Variants in STAG1 observed in about 807,000 individuals in gnomAD.
STAG1 encodes STAG1 cohesin complex component.
STAG1 carries 26 observed loss-of-function variants against 170.9 expected under a neutral mutation model. The observed-to-expected ratio is 0.15, with a 90% CI of 0.11 to 0.21. STAG1 has a LOEUF of 0.21. STAG1 is among the 10% of genes least tolerant of loss of function. The pLI is 1.00. For missense variants in STAG1, 964 were observed against 1,509.5 expected, an observed-to-expected ratio of 0.64 and a Z score of 5.99; for synonymous variants, 514 against 497.7, an observed-to-expected ratio of 1.03 and a Z score of -0.44.
chr3:136,702,101 G>C (rs1050412676), intron 1 of STAG1, among the ~76,000 whole-genome samples: 2 of 105,050 alleles, frequency 1.9e-5, no homozygotes, highest in Admixed American at 8.6e-5. Flanking sequence ...GAGAGAGAGA[G>C]AGAGAGAGAG....
At chr3:136,742,604 A>G (rs1180648907) in intron 1 of STAG1, among the ~76,000 whole-genome samples, 4 of 151,976 alleles carry the variant, frequency 2.6e-5, no homozygotes, top group Non-Finnish European at 5.9e-5. Context: ...AATCCCAGCT[A>G]CTGTGGAGAC....
At chr3:136,541,538 T>TCACACACACACACACA (rs59155124) in intron 6 of STAG1, among the ~76,000 whole-genome samples, 50 of 123,214 alleles carry the variant, frequency 4.1e-4, no homozygotes, top group East Asian at 9.3e-4. Flanking sequence ...AGCTTAACAT[T>TCACACACACACACACA]CACACACACA....
At chr3:136,373,624 A>G (rs1309207018) in intron 23 of STAG1, among the ~76,000 whole-genome samples, 1 of 152,030 alleles carries the variant, frequency 6.6e-6, no homozygotes, top group African/African-American at 2.4e-5. Context: ...GTCATTCAGG[A>G]GCAGGTTGTT....
chr3:136,747,661 CAG>C (rs927845809), intron 1 of STAG1, among the ~76,000 whole-genome samples: 18 of 152,160 alleles, frequency 1.2e-4, no homozygotes, highest in African/African-American at 4.3e-4. Flanking sequence ...GCCTGAGTGA[CAG>C]AGAGAGACCC....
intron 25 of STAG1, among the ~76,000 whole-genome samples, chr3:136,364,527 G>T (rs998134199): frequency 1.3e-5 from 2 of 152,028 alleles, no homozygotes; most frequent in African/African-American, 4.8e-5. Context: ...TAGGGGGAAG[G>T]GGGGATTAGG....
chr3:136,486,999 C>CAAAAAAAAAA (rs536392595), intron 9 of STAG1, among the ~76,000 whole-genome samples: 2 of 54,662 alleles, frequency 3.7e-5, no homozygotes, highest in African/African-American at 1.8e-4. Context: ...TTTATTTCTT[C>CAAAAAAAAAA]AAAAAAAAAA....
chr3:136,712,767 C>G (rs1943418791), intron 1 of STAG1, among the ~76,000 whole-genome samples: 1 of 152,126 alleles, frequency 6.6e-6, no homozygotes, highest in South Asian at 2.1e-4. Context: ...GATATATATC[C>G]AACAGAAATG....
intron 1 of STAG1, among the ~76,000 whole-genome samples, chr3:136,702,115 G>GAGACAGAGAGAC (rs1553768613): frequency 6.0e-5 from 4 of 66,404 alleles, no homozygotes; most frequent in Non-Finnish European, 3.6e-5. Flanking sequence ...GAGAGAGAGA[G>GAGACAGAGAGAC]AGAGAGACAG....
intron 7 of STAG1, among the ~76,000 whole-genome samples, chr3:136,509,227 C>A (rs561755707): frequency 5.9e-5 from 9 of 152,154 alleles, no homozygotes; most frequent in Admixed American, 6.5e-5. Context: ...GATTCTCTTT[C>A]GACTATCCCG....
At chr3:136,385,836 G>C (rs1442808583) in intron 22 of STAG1, among the ~76,000 whole-genome samples, 1 of 151,972 alleles carries the variant, frequency 6.6e-6, no homozygotes, top group Non-Finnish European at 1.5e-5. Flanking sequence ...CAAGGGGCTG[G>C]GAATATAGAT....
At chr3:136,610,529 T>G (rs1334689043) in intron 3 of STAG1, among the ~76,000 whole-genome samples, 1 of 152,196 alleles carries the variant, frequency 6.6e-6, no homozygotes, top group Non-Finnish European at 1.5e-5. Flanking sequence ...ATTGGAGAAG[T>G]GTATTTAACA....
chr3:136,735,317 G>A (rs114593616), intron 1 of STAG1, among the ~76,000 whole-genome samples: 1 of 151,900 alleles, frequency 6.6e-6, no homozygotes, highest in Non-Finnish European at 1.5e-5. Context: ...GTAGAGACAG[G>A]GTCTTGCTAT....
chr3:136,661,758 A>C lies in STAG1; in HGVS notation c.-83-30777T>G, dbSNP rs149778159. Among the ~76,000 whole-genome samples, 730 of 152,332 alleles carry C rather than the reference A, an allele frequency of 4.8e-3. 10 individuals are homozygous for C. Among genetic ancestry groups the C allele is most frequent in the African/African-American group, 0.017 (699 of 41,572 alleles). Reference sequence around the variant, plus strand: ...AATTCAAAATCCAAGCACAATATTAATACTACTAATAGCTGTTGTCTCTTA... The same window carrying C: ...AATTCAAAATCCAAGCACAATATTACTACTACTAATAGCTGTTGTCTCTTA... On this transcript the variant is annotated intron_variant, in intron 1 of 33. Transcript: ENST00000383202.
intron 3 of STAG1, among the ~76,000 whole-genome samples, chr3:136,612,659 G>A (rs1249738528): frequency 6.6e-6 from 1 of 152,122 alleles, no homozygotes; most frequent in African/African-American, 2.4e-5. Context: ...TCTCCAGCCT[G>A]AACAACAGAG....
At chr3:136,729,969 A>T (rs1243896472) in intron 1 of STAG1, among the ~76,000 whole-genome samples, 1 of 138,128 alleles carries the variant, frequency 7.2e-6, no homozygotes, top group Non-Finnish European at 1.5e-5. Flanking sequence ...GCTCACTGCA[A>T]CCTCCGCCTC....
chr3:136,421,296 A>T, intron 19 of STAG1, 133 bp from the exon 20 acceptor site: 1 of 428,866 alleles, frequency 2.3e-6, no homozygotes, highest in Non-Finnish European at 4.0e-6. Context: ...AATACAAATA[A>T]GCAAAAAGGC....
chr3:136,460,685 C>A (rs2089248803), intron 13 of STAG1, among the ~76,000 whole-genome samples: 1 of 151,344 alleles, frequency 6.6e-6, no homozygotes, highest in African/African-American at 2.4e-5. Flanking sequence ...TAAAGTCTCC[C>A]CCCCCAAAAA....
At position 136,448,696 on chromosome 3, in the gene STAG1, C is replaced by T. The variant is rs148960621; in HGVS notation, c.1428+3337G>A. On this transcript the variant is annotated intron_variant, in intron 14 of 33. Transcript: ENST00000383202. ...CTTCACGCCTGTAATTTCAGCACTTCGGGAGACTGAGGAGGGTGGATCACC... is the reference window on the plus strand; with the variant it reads ...CTTCACGCCTGTAATTTCAGCACTTTGGGAGACTGAGGAGGGTGGATCACC... Among the ~76,000 whole-genome samples, 157 of 152,154 alleles carry T rather than the reference C, an allele frequency of 1.0e-3. 1 individual carries two copies. Among genetic ancestry groups the T allele is most frequent in the African/African-American group, 3.4e-3 (143 of 41,506 alleles).
At chr3:136,420,244 C>CAAAAAA (rs71157379) in intron 20 of STAG1, among the ~76,000 whole-genome samples, 2 of 36,926 alleles carry the variant, frequency 5.4e-5, no homozygotes, top group East Asian at 8.4e-4. Flanking sequence ...GAGACTCTGT[C>CAAAAAA]AAAAAAAAAA....
Sources: allele counts gnomAD v4.1 joint callset (sites outside exome capture counted in the v4.1 genomes callset), GRCh38; gene constraint gnomAD v4.1.1; transcripts MANE v1.5; gene names NCBI Gene and HGNC (gene_info 2026-07-23, HGNC 2026-07-21).